Variants in NR2E1 observed in about 807,000 individuals in gnomAD.
NR2E1 encodes nuclear receptor subfamily 2 group E member 1.
Under a neutral mutation model 43.6 loss-of-function variants are expected in NR2E1, and 5 were observed. The observed-to-expected ratio is 0.11, with a 90% CI of 0.06 to 0.24. The LOEUF is 0.24. Ranked by LOEUF, NR2E1 falls within the 10% of genes least tolerant of loss-of-function variation. The probability of loss-of-function intolerance (pLI) is 1.00; values close to 1 mark genes in which losing one functional copy is unlikely to be tolerated. For synonymous variants in NR2E1, 191 were observed against 195.5 expected (o/e 0.98, Z 0.19); for missense variants, 287 against 496.7 (o/e 0.58, Z 4.01).
chr6:108,181,489 G>A lies in NR2E1; in HGVS notation c.890-57G>A, dbSNP rs1414974486. ...GATTACAGGCGTGAGCACTGCGCTC[G>A]GCTCCCAGATGCAATTTCTATGCTG... On this transcript the variant is annotated intron_variant, in intron 7 of 8. Coordinates refer to ENST00000368986, the MANE Select transcript of NR2E1 (RefSeq NM_003269.5). 1.9e-5 allele frequency: 28 copies of A among 1,436,726 alleles called. No homozygotes were observed. The Admixed American group carries it at 2.0e-4, about 10-fold the overall frequency. The allele number at this position is 1,436,726 out of a possible 1,614,324, so 89.0% of individuals were successfully genotyped here.
At chr6:108,186,444 G>C (rs186628266) in intron 8 of NR2E1, among the ~76,000 whole-genome samples, 1 of 152,308 alleles carries the variant, frequency 6.6e-6, no homozygotes, top group Admixed American at 6.5e-5. Context: ...ATATCCCTTA[G>C]CTTCTAGCAC....
rs566696788 is a variant in NR2E1, at chr6:108,168,988, G to A, written c.25+2198G>A. On this transcript the variant is annotated intron_variant, in intron 1 of 8. Coordinates refer to ENST00000368986, the MANE Select transcript of NR2E1 (RefSeq NM_003269.5). ...TATGACACACAAAAAGCCCCGAGGGGACCCCCTGGCGAGGGAAGTTAAGAA... is the reference window on the plus strand; with the variant it reads ...TATGACACACAAAAAGCCCCGAGGGAACCCCCTGGCGAGGGAAGTTAAGAA... 5 of 152,408 alleles carry A rather than the reference G, an allele frequency of 3.3e-5. No homozygotes were observed. The South Asian group carries it at 1.0e-3, about 32-fold the overall frequency. 9.4% of individuals were successfully genotyped at this position (152,408 alleles called of 1,614,324 possible).
At chr6:108,168,698 C>T (rs1461734705) in intron 1 of NR2E1, 2 of 152,476 alleles carry the variant, frequency 1.3e-5, no homozygotes, top group Non-Finnish European at 2.9e-5. Context: ...TGGCGGCAGC[C>T]AACCCGAGAC....
intron 4 of NR2E1, among the ~76,000 whole-genome samples, chr6:108,177,505 G>A (rs886522397): frequency 1.3e-5 from 2 of 152,234 alleles, no homozygotes; most frequent in African/African-American, 2.4e-5. Context: ...CTGCAGGGAA[G>A]CCAGACACCT....
rs753644722 is a variant in NR2E1 at position 108,166,684 on chromosome 6, G to T, written c.-82G>T. The T allele has an allele frequency of 8.1e-6, 10 of 1,228,344 alleles. No homozygotes were observed. The highest frequency in any genetic ancestry group is 1.6e-5 in the South Asian group (1 of 64,194). The allele number at this position is 1,228,344 out of a possible 1,614,324, so 76.1% of individuals were successfully genotyped here. On this transcript the variant is annotated 5_prime_UTR_variant, in exon 1 of 9. Coordinates refer to ENST00000368986, the MANE Select transcript of NR2E1 (RefSeq NM_003269.5). The surrounding 1 kb of genome is among the most constrained non-coding windows in gnomAD (Gnocchi z 7.2). ...GCAGGCTGGAGGGCAGCTGGAGAGC[G>T]GCGGCGCCCGGCGGCGAGGCGGGCG...
chr6:108,183,345 T>TAA (rs779267108), intron 8 of NR2E1, among the ~76,000 whole-genome samples: 1 of 138,896 alleles, frequency 7.2e-6, no homozygotes, highest in African/African-American at 2.6e-5. Flanking sequence ...CACCAAAAAT[T>TAA]TAAAAAAAAA....
Position 108,180,968 on chromosome 6 carries a change from C to A in NR2E1, c.889+12C>A. 1 of 1,614,048 alleles carries A rather than the reference C, an allele frequency of 6.2e-7. No homozygotes were observed. The highest frequency in any genetic ancestry group is 8.5e-7 in the Non-Finnish European group (1 of 1,179,958). ...CACTTTCAAAGCCGGTAAGCAGACA[C>A]AGACCCCTGTTTCTTCTCCTTCCCC... On this transcript the variant is annotated intron_variant, in intron 7 of 8. Coordinates refer to ENST00000368986, the MANE Select transcript of NR2E1 (RefSeq NM_003269.5). The surrounding 1 kb of genome is among the most constrained non-coding windows in gnomAD (Gnocchi z 5.4).
chr6:108,182,627 C>T (rs750435791), intron 8 of NR2E1, among the ~76,000 whole-genome samples: 8 of 146,670 alleles, frequency 5.5e-5, no homozygotes, highest in East Asian at 2.0e-4. Flanking sequence ...GGTGCAATCT[C>T]GGCTCACTGC....
chr6:108,169,968 G>A lies in NR2E1; in HGVS notation c.26-1490G>A, dbSNP rs1207294692. On this transcript the variant is annotated intron_variant, in intron 1 of 8. Transcript: ENST00000368986. This position sits in a 1 kb window ranked among gnomAD's most constrained non-coding sequence, Gnocchi z 6.1. ...GAACACCCCCTCACCCCCAAGCACG[G>A]TCCCCCGCGCTCTCCTTCCCCCACC... Among the ~76,000 whole-genome samples, 2 of 151,382 alleles carry A rather than the reference G, an allele frequency of 1.3e-5. No homozygotes were observed. The highest frequency in any genetic ancestry group is 3.2e-3 in the Middle Eastern group (1 of 316).
At chr6:108,176,087 G>T (rs1773891662) in intron 3 of NR2E1, 2 of 182,094 alleles carry the variant, frequency 1.1e-5, no homozygotes, top group African/African-American at 2.4e-5. Context: ...AAAAGTCTGC[G>T]CAGAAACGAG....
chr6:108,180,230 C>T lies in NR2E1; in HGVS notation c.643-93C>T, dbSNP rs752273297. ...AAATTACCAAGACAGGCATTTAAAA[C>T]ACTTTTTAAAATAATGGAAATTTAC... is the stretch of plus-strand genomic sequence containing the variant. On this transcript the variant is annotated intron_variant, in intron 5 of 8. Transcript: ENST00000368986. The surrounding 1 kb of genome is among the most constrained non-coding windows in gnomAD (Gnocchi z 5.4). The T allele has an allele frequency of 1.5e-4, 127 of 857,430 alleles. 1 individual carries two copies. Among genetic ancestry groups the T allele is most frequent in the South Asian group, 3.1e-4 (20 of 65,340 alleles). 53.1% of individuals were successfully genotyped at this position (857,430 alleles called of 1,614,324 possible).
At chr6:108,174,756 C>A in intron 2 of NR2E1, 80 bp from the exon 3 acceptor site, 3 of 1,266,100 alleles carry the variant, frequency 2.4e-6, no homozygotes, top group East Asian at 4.7e-5. Context: ...GCCTCCACAC[C>A]GTTTCCCCGC....
chr6:108,187,286 C>T lies in NR2E1; in HGVS notation c.996-15C>T. ...ATGGCCTCTGACCTTGTTTTCATGG[C>T]TTCTCACATTCCAGATATCCCACTC... On this transcript the variant is annotated splice_polypyrimidine_tract_variant and intron_variant, in intron 8 of 8. Coordinates refer to ENST00000368986, the MANE Select transcript of NR2E1 (RefSeq NM_003269.5). 6.2e-7 allele frequency: 1 copy of T among 1,614,184 alleles called. No individual in the cohort carries two copies.
At chr6:108,176,480 C>A in intron 3 of NR2E1, 23 bp from the exon 4 acceptor site, 1 of 1,608,188 alleles carries the variant, frequency 6.2e-7, no homozygotes, top group East Asian at 2.2e-5. Context: ...CGCCGGCATG[C>A]GTTTCTCTGT....
In NR2E1 at chr6:108,180,711, T is replaced by C. The variant is rs1773969974; in HGVS notation, c.740-96T>C. 4 of 1,144,642 alleles carry C rather than the reference T, an allele frequency of 3.5e-6. No homozygotes were observed. Among genetic ancestry groups the C allele is most frequent in the East Asian group, 4.9e-5 (2 of 41,188 alleles). 70.9% of individuals were successfully genotyped at this position (1,144,642 alleles called of 1,614,324 possible). ...GAATCAGATATCTTAGAGTGACAAT[T>C]GAATAGATATTGATATGCAGGATTT... On this transcript the variant is annotated intron_variant, in intron 6 of 8. Coordinates refer to ENST00000368986, the MANE Select transcript of NR2E1 (RefSeq NM_003269.5). The surrounding 1 kb of genome is among the most constrained non-coding windows in gnomAD (Gnocchi z 5.4).
chr6:108,174,042 C>G (rs374309029), intron 2 of NR2E1, among the ~76,000 whole-genome samples: 1 of 152,192 alleles, frequency 6.6e-6, no homozygotes, highest in East Asian at 1.9e-4. Flanking sequence ...ACATTACCTT[C>G]CTGGTCCTGT....
intron 8 of NR2E1, 86 bp from the exon 9 acceptor site, chr6:108,187,215 T>A: frequency 6.9e-7 from 1 of 1,444,208 alleles, no homozygotes; most frequent in Non-Finnish European, 9.7e-7. Context: ...TCAGCAATGC[T>A]GGAGATGATG....
chr6:108,167,635 T>A (rs1240658428), intron 1 of NR2E1, among the ~76,000 whole-genome samples: 1 of 152,044 alleles, frequency 6.6e-6, no homozygotes, highest in East Asian at 1.9e-4. Flanking sequence ...GGTGCTCAGA[T>A]CTCCCGGGGG....
chr6:108,187,073 G>T (rs183055148), intron 8 of NR2E1, among the ~76,000 whole-genome samples: 1 of 152,158 alleles, frequency 6.6e-6, no homozygotes, highest in East Asian at 1.9e-4. Flanking sequence ...TTAATGTAGA[G>T]AGGGTGTCCG....
Sources: gnomAD v4.1 joint callset for allele counts (sites outside exome capture counted in the v4.1 genomes callset) on GRCh38, gnomAD v4.1.1 for gene constraint, Gnocchi (gnomAD v3.1) non-coding constraint, MANE v1.5 for transcripts, NCBI Gene and HGNC (gene_info 2026-07-23, HGNC 2026-07-21) for gene names.